Variants in ZMAT4 observed in about 807,000 individuals in gnomAD.
ZMAT4 encodes the protein zinc finger matrin-type protein 4.
A neutral mutation model predicts 28.7 loss-of-function variants in ZMAT4; 17 were observed. That is an observed-to-expected ratio of 0.59 (90% confidence interval 0.41 to 0.89). The LOEUF (loss-of-function observed/expected upper bound fraction) is 0.89, where lower values mean the gene tolerates loss of function less well. Among genes scored for constraint, ZMAT4 ranks in the 40% least tolerant of loss-of-function variants. The pLI is 0.00. For synonymous variants in ZMAT4, 117 were observed against 109.2 expected, an observed-to-expected ratio of 1.07 and a Z score of -0.44; for missense variants, 240 against 283.8, an observed-to-expected ratio of 0.85 and a Z score of 1.11.
At chr8:40,554,680 T>C (rs1803473221) in intron 6 of ZMAT4, among the ~76,000 whole-genome samples, 1 of 152,164 alleles carries the variant, frequency 6.6e-6, no homozygotes. Flanking sequence ...TAAATTTAAT[T>C]GATGCATAGT....
intron 6 of ZMAT4, among the ~76,000 whole-genome samples, chr8:40,543,579 G>T (rs115827730): frequency 6.6e-6 from 1 of 152,150 alleles, no homozygotes; most frequent in African/African-American, 2.4e-5. Context: ...ACTCAGCACC[G>T]TCTAAATCAT....
At chr8:40,687,420 G>A (rs568064758) in intron 4 of ZMAT4, among the ~76,000 whole-genome samples, 1 of 152,100 alleles carries the variant, frequency 6.6e-6, no homozygotes, top group Non-Finnish European at 1.5e-5. Context: ...TACCTGATGG[G>A]GGAGGGAGAG....
intron 5 of ZMAT4, 66 bp downstream of exon 5, chr8:40,674,638 T>C: frequency 7.7e-7 from 1 of 1,296,974 alleles, no homozygotes; most frequent in Non-Finnish European, 1.1e-6. Context: ...CATTCCGATT[T>C]GTGAAAGCCG....
intron 2 of ZMAT4, among the ~76,000 whole-genome samples, chr8:40,803,039 G>C (rs141073284): frequency 3.0e-4 from 45 of 152,204 alleles, no homozygotes; most frequent in Admixed American, 5.9e-4. Context: ...AATGAATCTA[G>C]ACATAGACCT....
intron 6 of ZMAT4, among the ~76,000 whole-genome samples, chr8:40,562,994 C>T (rs1803798136): frequency 6.6e-6 from 1 of 152,154 alleles, no homozygotes; most frequent in South Asian, 2.1e-4. Flanking sequence ...ACACACTCAC[C>T]TTGAGTGAAC....
At chr8:40,591,153 G>T (rs1323333851) in intron 5 of ZMAT4, among the ~76,000 whole-genome samples, 1 of 152,154 alleles carries the variant, frequency 6.6e-6, no homozygotes, top group Non-Finnish European at 1.5e-5. Context: ...GAAGGTGCTG[G>T]TGGACCAGGG....
chr8:40,636,214 A>C (rs909150802), intron 5 of ZMAT4, among the ~76,000 whole-genome samples: 3 of 152,262 alleles, frequency 2.0e-5, no homozygotes, highest in African/African-American at 7.2e-5. Flanking sequence ...ACACATATAC[A>C]TACACACACA....
chr8:40,667,225 T>G (rs1481193284), intron 5 of ZMAT4, among the ~76,000 whole-genome samples: 1 of 152,012 alleles, frequency 6.6e-6, no homozygotes, highest in Non-Finnish European at 1.5e-5. Flanking sequence ...GTGCAATCTC[T>G]GCTCACTGCA....
At chr8:40,841,719 G>C (rs1347556439) in intron 1 of ZMAT4, among the ~76,000 whole-genome samples, 1 of 152,182 alleles carries the variant, frequency 6.6e-6, no homozygotes, top group Non-Finnish European at 1.5e-5. Context: ...ACTTTAGCCC[G>C]ATAATAATAA....
At chr8:40,754,327 GA>G in intron 3 of ZMAT4, among the ~76,000 whole-genome samples, 1 of 152,276 alleles carries the variant, frequency 6.6e-6, no homozygotes, top group African/African-American at 2.4e-5. Context: ...CTCCACCAGG[GA>G]AAACAATTAT....
At chr8:40,727,806 G>A (rs1450493546) in intron 3 of ZMAT4, among the ~76,000 whole-genome samples, 1 of 140,328 alleles carries the variant, frequency 7.1e-6, no homozygotes, top group East Asian at 2.6e-4. Context: ...ATCTTAAGAG[G>A]TTAAGACAAG....
At chr8:40,685,224 T>A (rs993429579) in intron 4 of ZMAT4, among the ~76,000 whole-genome samples, 2 of 152,052 alleles carry the variant, frequency 1.3e-5, no homozygotes, top group African/African-American at 4.8e-5. Context: ...TCATGTCAAG[T>A]CCCTCCCATC....
chr8:40,644,740 A>C (rs1389570384), intron 5 of ZMAT4, among the ~76,000 whole-genome samples: 1 of 152,218 alleles, frequency 6.6e-6, no homozygotes, highest in Non-Finnish European at 1.5e-5. Context: ...AAGAGTGACC[A>C]AGATGATCAA....
At chr8:40,623,012 C>G (rs1278243921) in intron 5 of ZMAT4, among the ~76,000 whole-genome samples, 2 of 152,274 alleles carry the variant, frequency 1.3e-5, no homozygotes, top group East Asian at 1.9e-4. Flanking sequence ...TTTGGCAAAG[C>G]TTTATCACCT....
chr8:40,858,592 C>T (rs555005874), intron 1 of ZMAT4, among the ~76,000 whole-genome samples: 1 of 152,256 alleles, frequency 6.6e-6, no homozygotes, highest in South Asian at 2.1e-4. Flanking sequence ...AATGCCTTGA[C>T]CCAGAGGAAT....
chr8:40,601,656 GA>G (rs1442278347), intron 5 of ZMAT4, among the ~76,000 whole-genome samples: 2 of 28,672 alleles, frequency 7.0e-5, no homozygotes, highest in Admixed American at 5.9e-4. Flanking sequence ...AAGAAAGAAA[GA>G]AAGAAAGAAA....
chr8:40,684,559 C>G (rs1361639188), intron 4 of ZMAT4, among the ~76,000 whole-genome samples: 2 of 152,178 alleles, frequency 1.3e-5, no homozygotes, highest in Admixed American at 1.3e-4. Context: ...TACCAGTCTT[C>G]CCCAGACACC....
chr8:40,702,626 A>T (rs1810195929), intron 3 of ZMAT4, among the ~76,000 whole-genome samples: 1 of 152,212 alleles, frequency 6.6e-6, no homozygotes, highest in Non-Finnish European at 1.5e-5. Context: ...TTTAATTCAG[A>T]TGATTGTCCT....
intron 3 of ZMAT4, among the ~76,000 whole-genome samples, chr8:40,716,948 G>C (rs114647474): frequency 0.016 from 2,413 of 152,242 alleles, 64 homozygotes; most frequent in African/African-American, 0.054. Context: ...TTCCCTGGAC[G>C]CTAGCATACC....
Sources: gnomAD v4.1 joint callset for allele counts (sites outside exome capture counted in the v4.1 genomes callset) on GRCh38, gnomAD v4.1.1 for gene constraint, MANE v1.5 for transcripts, NCBI Gene and HGNC (gene_info 2026-07-23, HGNC 2026-07-21) for gene names.